Variants in INPP5A observed in about 807,000 individuals in gnomAD.
The protein encoded by INPP5A is 43 kDa inositol polyphosphate 5-phophatase.
Under a neutral mutation model 65.2 loss-of-function variants are expected in INPP5A, and 14 were observed. The ratio of observed to expected loss-of-function variants is 0.21; its 90% CI spans 0.14 to 0.34. The LOEUF is 0.34. Among genes scored for constraint, INPP5A ranks in the 10% least tolerant of loss-of-function variants. INPP5A has a pLI of 1.00. For missense variants in INPP5A, 431 were observed against 545.6 expected, an observed-to-expected ratio of 0.79 and a Z score of 2.09; for synonymous variants, 207 against 208.3, an observed-to-expected ratio of 0.99 and a Z score of 0.05.
At chr10:132,565,281 A>G (rs2071258264) in intron 1 of INPP5A, among the ~76,000 whole-genome samples, 1 of 152,006 alleles carries the variant, frequency 6.6e-6, no homozygotes, top group Non-Finnish European at 1.5e-5. Context: ...GGCCAGTTTT[A>G]AGTCTGACCC....
At chr10:132,685,059 TAAAA>T (rs796221395) in intron 4 of INPP5A, among the ~76,000 whole-genome samples, 3 of 149,574 alleles carry the variant, frequency 2.0e-5, no homozygotes, top group Non-Finnish European at 4.5e-5. Context: ...TTTATTTTAT[TAAAA>T]AAAAAAACTG....
chr10:132,576,362 C>G (rs1352865416), intron 1 of INPP5A, among the ~76,000 whole-genome samples: 1 of 152,230 alleles, frequency 6.6e-6, no homozygotes, highest in Non-Finnish European at 1.5e-5. Context: ...TGGACAGGTG[C>G]TGGGTGGCAC....
intron 8 of INPP5A, among the ~76,000 whole-genome samples, chr10:132,713,028 ATG>A (rs1186579527): frequency 3.5e-5 from 5 of 144,502 alleles, no homozygotes; most frequent in Admixed American, 1.4e-4. Context: ...GTATGTATGT[ATG>A]TGTGCGTGTG....
chr10:132,633,266 T>G (rs1252582478), intron 2 of INPP5A, among the ~76,000 whole-genome samples: 1 of 152,204 alleles, frequency 6.6e-6, no homozygotes, highest in East Asian at 1.9e-4. Context: ...TCATTGCTCA[T>G]CAGTGAAGCA....
At chr10:132,776,890 C>T (rs568307390) in intron 12 of INPP5A, among the ~76,000 whole-genome samples, 1 of 152,226 alleles carries the variant, frequency 6.6e-6, no homozygotes, top group Admixed American at 6.5e-5. Context: ...GCGTGGACTG[C>T]TCTGCTGTGT....
intron 8 of INPP5A, among the ~76,000 whole-genome samples, chr10:132,719,878 G>C (rs1845831234): frequency 6.6e-6 from 1 of 150,400 alleles, no homozygotes; most frequent in African/African-American, 2.5e-5. Context: ...GGGCGCCTTA[G>C]ACGGCTGTCT....
chr10:132,625,875 TGTTTG>T lies in INPP5A; in HGVS notation c.117+17920_117+17924del, dbSNP rs1163978880. 2.6e-4 allele frequency among the ~76,000 whole-genome samples: 36 copies of T among 138,606 alleles called. 1 individual carries two copies. Among genetic ancestry groups the T allele is most frequent in the Admixed American group, 2.2e-3 (31 of 14,288 alleles). 90.9% of individuals were successfully genotyped at this position (138,606 alleles called of 152,430 possible). A position where few individuals can be genotyped will look rare whatever the true frequency, so the allele number is the denominator to read the frequency against. ...GTGTGTGTGTGTGTGTGTGTGTGTG[TGTTTG>T]TGTGTGTGTGTGTACAGTGTTTGTA... On this transcript the variant is annotated intron_variant, in intron 2 of 15. Transcript: ENST00000368594.
At chr10:132,778,304 T>C (rs1450449525) in intron 13 of INPP5A, among the ~76,000 whole-genome samples, 1 of 59,984 alleles carries the variant, frequency 1.7e-5, no homozygotes, top group Admixed American at 1.3e-4. Context: ...TAATAATAAT[T>C]TTTTTTTTTT....
chr10:132,611,556 T>G (rs1590867011), intron 2 of INPP5A, among the ~76,000 whole-genome samples: 7 of 87,476 alleles, frequency 8.0e-5, no homozygotes, highest in Admixed American at 1.3e-4. Context: ...GTGAGGGAGG[T>G]GAGGTGGGAA....
chr10:132,690,881 C>G (rs913942286), intron 5 of INPP5A, among the ~76,000 whole-genome samples: 1 of 152,210 alleles, frequency 6.6e-6, no homozygotes, highest in Non-Finnish European at 1.5e-5. Flanking sequence ...AGACGCTCCG[C>G]TGACACAAGC....
intron 6 of INPP5A, among the ~76,000 whole-genome samples, chr10:132,702,903 G>T (rs1214029599): frequency 6.6e-6 from 1 of 152,214 alleles, no homozygotes; most frequent in African/African-American, 2.4e-5. Context: ...TTACACAGGG[G>T]TGACTGTGGG....
At chr10:132,722,208 T>G (rs1004470133) in intron 8 of INPP5A, among the ~76,000 whole-genome samples, 7 of 152,202 alleles carry the variant, frequency 4.6e-5, no homozygotes, top group Admixed American at 2.6e-4. Flanking sequence ...CTTTAATAGA[T>G]TCCCAATTGT....
Position 132,650,351 on chromosome 10 carries a change from T to C in INPP5A, c.219-67T>C. The C allele has an allele frequency of 9.7e-7, 1 of 1,030,220 alleles. No individual in the cohort carries two copies. The highest frequency in any genetic ancestry group is 2.4e-5 in the East Asian group (1 of 41,820). 63.8% of individuals were successfully genotyped at this position (1,030,220 alleles called of 1,614,324 possible). ...GTGCTGGAGCCCCTCTTATACCTTG[T>C]GGTCATCTCATGAGGTGCAAGGCGT... is the stretch of plus-strand genomic sequence containing the variant. On this transcript the variant is annotated intron_variant, in intron 3 of 15. Coordinates refer to ENST00000368594, the MANE Select transcript of INPP5A (RefSeq NM_005539.5). The surrounding 1 kb of genome is among the most constrained non-coding windows in gnomAD (Gnocchi z 5.5).
rs376201320 is a variant in INPP5A at position 132,614,854 on chromosome 10, C to T, written c.117+6898C>T. 5.8e-4 allele frequency among the ~76,000 whole-genome samples: 88 copies of T among 152,372 alleles called. No individual in the cohort carries two copies. The South Asian group carries it at 0.016, about 28-fold the overall frequency. ...TCACCCCTTCTATCCTACAAGGACA[C>T]GGCAAGAAGGTGCCGTCTGTGAAGA... On this transcript the variant is annotated intron_variant, in intron 2 of 15. Transcript: ENST00000368594.
At position 132,620,832 on chromosome 10, in the gene INPP5A, T is replaced by C. The variant is rs141539095; in HGVS notation, c.117+12876T>C. Among the ~76,000 whole-genome samples, 15 of 152,300 alleles carry C rather than the reference T, an allele frequency of 9.8e-5. No homozygotes were observed. The East Asian group carries it at 2.7e-3, about 27-fold the overall frequency. On this transcript the variant is annotated intron_variant, in intron 2 of 15. Coordinates refer to ENST00000368594, the MANE Select transcript of INPP5A (RefSeq NM_005539.5). ...TTCTACAGAGCCTTTAGAAGAAGAC[T>C]GAGTCACAGATGATACTTTTTGAAT...
At position 132,627,680 on chromosome 10, in the gene INPP5A, GTGTGAGATGGCTGGGAT is replaced by G. The variant is rs1490453011; in HGVS notation, c.118-18186_118-18170del. 6.6e-6 allele frequency among the ~76,000 whole-genome samples: 1 copy of G among 152,206 alleles called. No homozygotes were observed. Among genetic ancestry groups the G allele is most frequent in the Non-Finnish European group, 1.5e-5 (1 of 68,036 alleles). On this transcript the variant is annotated intron_variant, in intron 2 of 15. Coordinates refer to ENST00000368594, the MANE Select transcript of INPP5A (RefSeq NM_005539.5). This position sits in a 1 kb window ranked among gnomAD's most constrained non-coding sequence, Gnocchi z 6.6. ...AGCACAGTGTGGTCCGGGGCTGGGG[GTGTGAGATGGCTGGGAT>G]TATAGTGAGAGGCGAGACAGGGGAT...
chr10:132,743,172 G>A (rs1030907510), intron 9 of INPP5A, among the ~76,000 whole-genome samples: 2 of 137,416 alleles, frequency 1.5e-5, no homozygotes, highest in African/African-American at 2.6e-5. Flanking sequence ...GACTGGGCCC[G>A]GGAGTGAGGG....
intron 1 of INPP5A, among the ~76,000 whole-genome samples, chr10:132,553,657 G>T (rs1201007750): frequency 6.9e-6 from 1 of 145,326 alleles, no homozygotes; most frequent in East Asian, 2.2e-4. Context: ...GTAGGATAGG[G>T]AGGGAGGATT....
chr10:132,621,739 G>A (rs2072112873), intron 2 of INPP5A, among the ~76,000 whole-genome samples: 1 of 150,734 alleles, frequency 6.6e-6, no homozygotes, highest in Non-Finnish European at 1.5e-5. Context: ...TCTGTCCTTT[G>A]TCCATAAGGA....
Sources: gnomAD v4.1 joint callset for allele counts (sites outside exome capture counted in the v4.1 genomes callset) on GRCh38, gnomAD v4.1.1 for gene constraint, Gnocchi (gnomAD v3.1) non-coding constraint, MANE v1.5 for transcripts, NCBI Gene and HGNC (gene_info 2026-07-23, HGNC 2026-07-21) for gene names.